Variants in DPP4 observed in about 807,000 individuals in gnomAD.
The protein encoded by DPP4 is dipeptidyl peptidase 4.
DPP4 carries 93 observed loss-of-function variants against 122.4 expected under a neutral mutation model. The ratio of observed to expected loss-of-function variants is 0.76; its 90% CI spans 0.64 to 0.90. The LOEUF (loss-of-function observed/expected upper bound fraction) is 0.90. DPP4 is among the 40% of genes least tolerant of loss of function. DPP4 has a pLI of 0.00. For missense variants in DPP4, 914 were observed against 907.3 expected, an observed-to-expected ratio of 1.01 and a Z score of -0.09; for synonymous variants, 321 against 302.9, an observed-to-expected ratio of 1.06 and a Z score of -0.62.
At chr2:162,055,671 CAAA>C (rs372057652) in intron 2 of DPP4, among the ~76,000 whole-genome samples, 12 of 113,718 alleles carry the variant, frequency 1.1e-4, no homozygotes, top group South Asian at 2.8e-4. Flanking sequence ...AACTCTGTCT[CAAA>C]AAAAAAAAAA....
intron 14 of DPP4, 36 bp downstream of exon 14, chr2:162,020,193 G>A: frequency 6.4e-7 from 1 of 1,554,504 alleles, no homozygotes; most frequent in Admixed American, 1.9e-5. Flanking sequence ...ATTATGACAA[G>A]TAGGTTTATA....
chr2:162,073,335 G>T, intron 2 of DPP4, 64 bp downstream of exon 2: 2 of 1,537,520 alleles, frequency 1.3e-6, no homozygotes, highest in Admixed American at 3.4e-5. Flanking sequence ...TTCCCTTAGC[G>T]TGGTAAGACG....
chr2:162,020,859 A>T (rs1683100016), intron 12 of DPP4, among the ~76,000 whole-genome samples, 171 bp from the exon 13 acceptor site: 2 of 152,220 alleles, frequency 1.3e-5, no homozygotes, highest in Admixed American at 1.3e-4. Context: ...ATAAAATGTG[A>T]ACAAAAACAC....
chr2:162,016,610 A>C (rs1682936726), intron 18 of DPP4, among the ~76,000 whole-genome samples, 158 bp downstream of exon 18: 1 of 152,244 alleles, frequency 6.6e-6, no homozygotes, highest in Admixed American at 6.5e-5. Flanking sequence ...AAAAGGATGT[A>C]AAATTAGTAT....
rs559138734 is a variant in DPP4, at chr2:161,993,545, G to A, written c.2200-161C>T. On this transcript the variant is annotated intron_variant, in intron 25 of 25. Transcript: ENST00000360534. ...AAACTGAAACGGGGTCAAAGAGGGG[G>A]TCTAATTTTCCCCCAGAGCTTTTCC... Among the ~76,000 whole-genome samples, 117 of 152,264 alleles carry A rather than the reference G, an allele frequency of 7.7e-4. 1 individual carries two copies. Among genetic ancestry groups the A allele is most frequent in the Non-Finnish European group, 7.8e-4 (53 of 68,020 alleles).
chr2:162,046,860 A>T (rs893459691), intron 4 of DPP4, 55 bp downstream of exon 4: 1 of 1,140,412 alleles, frequency 8.8e-7, no homozygotes, highest in Non-Finnish European at 1.3e-6. Context: ...TTCCAAAGGT[A>T]ATGAAAAAAA....
rs35363685 is a variant in DPP4, at chr2:162,047,158, A to AT, written c.194-153dup. 12 of 546,172 alleles carry AT rather than the reference A, an allele frequency of 2.2e-5. No individual in the cohort carries two copies. In the East Asian group the frequency reaches 3.2e-4, roughly 15 times the overall value. 33.8% of individuals were successfully genotyped at this position (546,172 alleles called of 1,614,324 possible). On this transcript the variant is annotated intron_variant, in intron 3 of 25. Coordinates refer to ENST00000360534, the MANE Select transcript of DPP4 (RefSeq NM_001935.4). ...AATGATATTATACTAACATTCATTC[A>AT]TTTTTTCATCATTATTGTCAAGGTT... is the stretch of plus-strand genomic sequence containing the variant.
rs1559720589 is a variant in DPP4, at chr2:162,045,591, T to A, written c.307A>T (p.Asn103Tyr). Residue 103 changes from asparagine (N) to tyrosine (Y), a missense_variant, in exon 5 of 26, where the codon AAT becomes TAT. Transcript: ENST00000360534. ...STFDEFGHSI[N>Y]DYSISPDGQF... ...CCATCAGGAGATATTGAATAATCAT[T>A]GATAGAATGTCCAAACTCATCCTGT... The A allele has an allele frequency of 1.2e-6, 2 of 1,612,504 alleles. No homozygotes were observed. Among genetic ancestry groups the A allele is most frequent in the African/African-American group, 2.7e-5 (2 of 74,882 alleles).
At chr2:162,050,749 T>C (rs1684355705) in intron 2 of DPP4, among the ~76,000 whole-genome samples, 1 of 152,206 alleles carries the variant, frequency 6.6e-6, no homozygotes, top group Non-Finnish European at 1.5e-5. Flanking sequence ...GATAAGCGAG[T>C]TCTGTGAGAC....
chr2:162,057,774 T>C (rs1475120674), intron 2 of DPP4, among the ~76,000 whole-genome samples: 2 of 152,130 alleles, frequency 1.3e-5, no homozygotes, highest in African/African-American at 4.8e-5. Flanking sequence ...AAATATCTAG[T>C]GTGATTTCTT....
rs982067960 is a variant in DPP4 at position 162,023,011 on chromosome 2, C to T, written c.1024-212G>A. ...GTTATATCCTGGGTCCTTCTGGAAG[C>T]TCCACTGGTGTTTTAAATCCAGCAT... On this transcript the variant is annotated intron_variant, in intron 11 of 25. Transcript: ENST00000360534. Among the ~76,000 whole-genome samples, 4 of 152,178 alleles carry T rather than the reference C, an allele frequency of 2.6e-5. No homozygotes were observed. The South Asian group carries it at 6.2e-4, about 24-fold the overall frequency.
chr2:162,012,454 A>G (rs1011572803), intron 19 of DPP4, among the ~76,000 whole-genome samples: 3 of 152,118 alleles, frequency 2.0e-5, no homozygotes, highest in African/African-American at 7.2e-5. Context: ...TGCATTTCCC[A>G]TAGCACCCGG....
intron 2 of DPP4, among the ~76,000 whole-genome samples, chr2:162,052,080 A>C (rs114433225): frequency 0.034 from 5,098 of 152,010 alleles, 285 homozygotes; most frequent in African/African-American, 0.12. Flanking sequence ...AGCACTTGGG[A>C]GGTCGAGGTG....
rs2302872 is a variant in DPP4, at chr2:162,020,258, G to A, written c.1215C>T (p.Ile405=). 0.013 allele frequency: 20,316 copies of A among 1,606,384 alleles called. 228 individuals are homozygous for A. Among genetic ancestry groups the A allele is most frequent in the East Asian group, 0.047 (2,087 of 44,474 alleles). ...TFITKGTWEV[I]GIEALTSDYL... is the part of the protein sequence containing the mutation. ...AATCACTGGTTAGAGCTTCTATCCC[G>A]ATGACTTCCCAGGTGCCTTTTGTAA... Residue 405 remains isoleucine, a synonymous_variant, in exon 14 of 26, where the codon ATC becomes ATT. Transcript: ENST00000360534.
At position 162,065,961 on chromosome 2, in the gene DPP4, A is replaced by C. The variant is rs184823189; in HGVS notation, c.94+7438T>G. Among the ~76,000 whole-genome samples, 83 of 152,344 alleles carry C rather than the reference A, an allele frequency of 5.4e-4. 1 individual carries two copies. The East Asian group carries it at 9.9e-3, about 18-fold the overall frequency. On this transcript the variant is annotated intron_variant, in intron 2 of 25. Transcript: ENST00000360534. ...GAAAATCCTCAATAAATATTTGCCA[A>C]GTTGGAGAATTACCTTCTGTCAACA...
chr2:162,007,148 A>C (rs980019249), intron 22 of DPP4, among the ~76,000 whole-genome samples: 1 of 152,116 alleles, frequency 6.6e-6, no homozygotes, highest in Non-Finnish European at 1.5e-5. Context: ...ACTAATATAA[A>C]AATAGAATAT....
chr2:162,050,325 T>G (rs1024319678), intron 2 of DPP4, among the ~76,000 whole-genome samples: 1 of 152,194 alleles, frequency 6.6e-6, no homozygotes, highest in African/African-American at 2.4e-5. Flanking sequence ...TTGAAATAGA[T>G]GTAATTTGAA....
At position 162,038,989 on chromosome 2, in the gene DPP4, T is replaced by C; in HGVS notation, c.452A>G (p.Asn151Ser). 3 of 1,613,418 alleles carry C rather than the reference T, an allele frequency of 1.9e-6. No individual in the cohort carries two copies. The highest frequency in any genetic ancestry group is 2.5e-6 in the Non-Finnish European group (3 of 1,179,490). Reference sequence around the variant, plus strand: ...TGGTGACCATGTGACCCACTGTGTGTTGTTTGGAATCCTCTCTTCTGTAAT... The same window carrying C: ...TGGTGACCATGTGACCCACTGTGTGCTGTTTGGAATCCTCTCTTCTGTAAT... ...QLITEERIPN[N>S]TQWVTWSPVG... Residue 151 changes from asparagine (N) to serine (S), a missense_variant, in exon 7 of 26, where the codon AAC becomes AGC. Asn to Ser is a conservative substitution (Grantham distance 46, BLOSUM62 1). Transcript: ENST00000360534.
At chr2:162,046,819 C>A (rs911420631) in intron 4 of DPP4, 96 bp downstream of exon 4, 17 of 824,710 alleles carry the variant, frequency 2.1e-5, no homozygotes, top group Non-Finnish European at 3.6e-5. Flanking sequence ...CAGAAAGAGT[C>A]CAACAGGTTG....
Sources: allele counts gnomAD v4.1 joint callset (sites outside exome capture counted in the v4.1 genomes callset), GRCh38; gene constraint gnomAD v4.1.1; transcripts MANE v1.5; gene names NCBI Gene and HGNC (gene_info 2026-07-23, HGNC 2026-07-21).